Variants in ASIC2 observed in about 807,000 individuals in gnomAD.
The protein encoded by ASIC2 is acid sensing ion channel subunit 2, also known as acid-sensing ion channel 2.
Under a neutral mutation model 57.3 loss-of-function variants are expected in ASIC2, and 25 were observed. The ratio of observed to expected loss-of-function variants is 0.44; its 90% CI spans 0.32 to 0.61. The LOEUF is 0.61. ASIC2 is among the 20% of genes least tolerant of loss of function. The probability of loss-of-function intolerance (pLI) is 0.06; values close to 1 mark genes in which losing one functional copy is unlikely to be tolerated. For missense variants in ASIC2, 641 were observed against 738.1 expected, an observed-to-expected ratio of 0.87 and a Z score of 1.52; for synonymous variants, 319 against 307.5, an observed-to-expected ratio of 1.04 and a Z score of -0.39.
At position 34,156,609 on chromosome 17, in the gene ASIC2, C is replaced by T. The variant is rs906227052; in HGVS notation, c.-77G>A. The T allele has an allele frequency of 6.9e-7, 1 of 1,448,182 alleles. No individual in the cohort carries two copies. The allele number at this position is 1,448,182 out of a possible 1,614,324, so 89.7% of individuals were successfully genotyped here. ...AAGAGCTCCCAGTCCTCGGGCTCTG[C>T]TTAAACCTTGACGTTCAGGGGAGAG... is the stretch of plus-strand genomic sequence containing the variant. On this transcript the variant is annotated 5_prime_UTR_variant, in exon 1 of 10. Coordinates refer to the ASIC2 transcript ENST00000359872. This position sits in a 1 kb window ranked among gnomAD's most constrained non-coding sequence, Gnocchi z 4.4.
chr17:33,595,512 T>C (rs1904954410), intron 1 of ASIC2, among the ~76,000 whole-genome samples: 2 of 152,232 alleles, frequency 1.3e-5, no homozygotes, highest in Admixed American at 6.5e-5. Context: ...GTAAGAAGCA[T>C]TGGGAGCCTC....
At chr17:33,584,251 G>C (rs1904540226) in intron 1 of ASIC2, among the ~76,000 whole-genome samples, 1 of 152,156 alleles carries the variant, frequency 6.6e-6, no homozygotes, top group South Asian at 2.1e-4. Flanking sequence ...GCCATCTTTA[G>C]TTCATGGAGA....
At chr17:33,031,280 C>G (rs2091882252) in intron 3 of ASIC2, among the ~76,000 whole-genome samples, 1 of 152,064 alleles carries the variant, frequency 6.6e-6, no homozygotes, top group Non-Finnish European at 1.5e-5. Context: ...TTCATTTCAT[C>G]TAGATTTTTG....
intron 2 of ASIC2, among the ~76,000 whole-genome samples, chr17:33,094,781 C>A (rs1470581486): frequency 1.3e-5 from 2 of 152,182 alleles, no homozygotes; most frequent in African/African-American, 4.8e-5. Flanking sequence ...CCTTCTACTC[C>A]ACACCTCTTT....
At chr17:33,096,757 G>A (rs940330215) in intron 2 of ASIC2, among the ~76,000 whole-genome samples, 4 of 152,204 alleles carry the variant, frequency 2.6e-5, no homozygotes, top group African/African-American at 9.7e-5. Flanking sequence ...CAAGGTGAGG[G>A]TGTTTGTGTA....
chr17:33,752,151 T>C (rs1471364353), intron 1 of ASIC2, among the ~76,000 whole-genome samples: 1 of 152,122 alleles, frequency 6.6e-6, no homozygotes, highest in African/African-American at 2.4e-5. Context: ...CAGAGTAGGG[T>C]CATTTTTCCA....
At chr17:33,099,169 TG>T (rs199510177) in intron 2 of ASIC2, among the ~76,000 whole-genome samples, 23 of 151,332 alleles carry the variant, frequency 1.5e-4, no homozygotes, top group Non-Finnish European at 2.7e-4. Context: ...GGTTTTTTTT[TG>T]TTGTTGTTGT....
intron 1 of ASIC2, among the ~76,000 whole-genome samples, chr17:33,503,994 A>T (rs575653798): frequency 4.6e-4 from 70 of 152,352 alleles, no homozygotes; most frequent in Admixed American, 2.5e-3. Flanking sequence ...GAGGAAATGC[A>T]GCTGGAGCTG....
intron 1 of ASIC2, among the ~76,000 whole-genome samples, chr17:33,574,070 G>C (rs1048161395): frequency 2.0e-5 from 3 of 152,220 alleles, no homozygotes; most frequent in Admixed American, 6.5e-5. Flanking sequence ...CCTGCACAGG[G>C]AGGAGGAGCT....
chr17:33,176,875 A>C (rs1278526330), intron 1 of ASIC2, among the ~76,000 whole-genome samples: 1 of 152,154 alleles, frequency 6.6e-6, no homozygotes, highest in Non-Finnish European at 1.5e-5. Context: ...AAGGGTGAGC[A>C]TGTGCCTCAG....
At chr17:33,905,329 C>T (rs1226978449) in intron 1 of ASIC2, among the ~76,000 whole-genome samples, 1 of 152,054 alleles carries the variant, frequency 6.6e-6, no homozygotes, top group Non-Finnish European at 1.5e-5. Context: ...GACACACAGA[C>T]CGGCTCTAGT....
At chr17:33,592,619 C>T (rs528163349) in intron 1 of ASIC2, among the ~76,000 whole-genome samples, 3 of 152,336 alleles carry the variant, frequency 2.0e-5, no homozygotes, top group African/African-American at 4.8e-5. Context: ...TTAATTAGCT[C>T]TGTGTACGTG....
At chr17:33,913,824 G>A (rs186829154) in intron 1 of ASIC2, among the ~76,000 whole-genome samples, 39 of 152,252 alleles carry the variant, frequency 2.6e-4, no homozygotes, top group East Asian at 1.3e-3. Flanking sequence ...GATACTTTTC[G>A]TATTTATTGA....
At chr17:33,753,985 T>A (rs1231403472) in intron 1 of ASIC2, among the ~76,000 whole-genome samples, 1 of 152,162 alleles carries the variant, frequency 6.6e-6, no homozygotes, top group Non-Finnish European at 1.5e-5. Flanking sequence ...AGAGCGTACA[T>A]AGGAACACTC....
intron 1 of ASIC2, among the ~76,000 whole-genome samples, chr17:33,832,366 C>CTAAAT (rs1221375154): frequency 6.6e-6 from 1 of 152,232 alleles, no homozygotes; most frequent in Non-Finnish European, 1.5e-5. Context: ...TAACAGGGCA[C>CTAAAT]TAAATCATTA....
At chr17:33,276,375 A>G (rs546794495) in intron 1 of ASIC2, among the ~76,000 whole-genome samples, 1 of 152,364 alleles carries the variant, frequency 6.6e-6, no homozygotes, top group East Asian at 1.9e-4. Context: ...AAGGCCTTGT[A>G]GCGACAAAAG....
At position 33,025,948 on chromosome 17, in the gene ASIC2, C is replaced by T; in HGVS notation, c.1173G>A (p.Lys391=). 6.2e-7 allele frequency: 1 copy of T among 1,613,870 alleles called. No individual in the cohort carries two copies. The highest frequency in any genetic ancestry group is 8.5e-7 in the Non-Finnish European group (1 of 1,179,890). Reference sequence around the variant, plus strand: ...GACCTAGGGCAGGCTCTGCACACTCCTTGTGCTGCTCAGGGGTACAAAAAG... The same window carrying T: ...GACCTAGGGCAGGCTCTGCACACTCTTTGTGCTGCTCAGGGGTACAAAAAG... ...DAPFCTPEQH[K]ECAEPALGLL... The change falls in exon 5 of 10, where the codon AAG becomes AAA. Residue 391 remains lysine (K), a synonymous_variant. Coordinates refer to ENST00000225823, the MANE Select transcript of ASIC2 (RefSeq NM_183377.2).
intron 1 of ASIC2, among the ~76,000 whole-genome samples, chr17:33,427,526 A>G: frequency 6.6e-6 from 1 of 152,232 alleles, no homozygotes; most frequent in Non-Finnish European, 1.5e-5. Flanking sequence ...TACACGTTTG[A>G]GAGGGACCCA....
At chr17:33,079,841 G>T (rs930387183) in intron 3 of ASIC2, among the ~76,000 whole-genome samples, 1 of 152,126 alleles carries the variant, frequency 6.6e-6, no homozygotes, top group African/African-American at 2.4e-5. Flanking sequence ...TCCCCATTTT[G>T]CAGATGAAGA....
Sources: allele counts gnomAD v4.1 joint callset (sites outside exome capture counted in the v4.1 genomes callset), GRCh38; gene constraint gnomAD v4.1.1; non-coding constraint Gnocchi (gnomAD v3.1); transcripts MANE v1.5; gene names NCBI Gene and HGNC (gene_info 2026-07-23, HGNC 2026-07-21).